The following PLEKHG1 variants were observed in gnomAD, a reference collection of about 807,000 sequenced individuals.
PLEKHG1 encodes pleckstrin homology and RhoGEF domain containing G1.
Under a neutral mutation model 100.8 loss-of-function variants are expected in PLEKHG1, and 44 were observed. The ratio of observed to expected loss-of-function variants is 0.44; its 90% CI spans 0.34 to 0.56. The LOEUF (loss-of-function observed/expected upper bound fraction) is 0.56, where lower values mean the gene tolerates loss of function less well. PLEKHG1 is among the 20% of genes least tolerant of loss of function. PLEKHG1 has a pLI of 0.01. For synonymous variants in PLEKHG1, 640 were observed against 662.5 expected (o/e 0.97, Z 0.52); for missense variants, 1,545 against 1,720.9 (o/e 0.90, Z 1.81).
At chr6:150,720,581 C>G (rs1305157556), upstream of PLEKHG1, among the ~76,000 whole-genome samples, 1 of 152,164 alleles carries the variant, frequency 6.6e-6, no homozygotes, top group Non-Finnish European at 1.5e-5. Flanking sequence ...AACTAATTAT[C>G]CAAACTGCCT....
upstream of PLEKHG1, among the ~76,000 whole-genome samples, chr6:150,719,306 A>AT (rs1267469677): frequency 2.0e-5 from 3 of 150,678 alleles, no homozygotes; most frequent in Admixed American, 6.6e-5. Context: ...AAAAAAAAAA[A>AT]TCCAAGTACA....
intron 10 of PLEKHG1, among the ~76,000 whole-genome samples, chr6:150,814,937 C>G (rs986686667): frequency 6.6e-6 from 1 of 152,132 alleles, no homozygotes; most frequent in Non-Finnish European, 1.5e-5. Context: ...CCAGGCTGGT[C>G]TCGAACTCCC....
intron 3 of PLEKHG1, among the ~76,000 whole-genome samples, chr6:150,774,756 T>A (rs1418112623): frequency 6.6e-6 from 1 of 151,846 alleles, no homozygotes; most frequent in Non-Finnish European, 1.5e-5. Flanking sequence ...GCCAGGCTGG[T>A]CACGAACTCC....
At chr6:150,818,902 G>T (rs1776137806) in intron 11 of PLEKHG1, among the ~76,000 whole-genome samples, 2 of 152,158 alleles carry the variant, frequency 1.3e-5, no homozygotes, top group African/African-American at 4.8e-5. Context: ...AAGTGCAAAC[G>T]TTGATTCCCT....
chr6:150,702,564 G>GTGTGTGTA, intron 3 of PLEKHG1, among the ~76,000 whole-genome samples: 1 of 150,562 alleles, frequency 6.6e-6, no homozygotes, highest in East Asian at 1.9e-4. Flanking sequence ...TGGGGTGTGT[G>GTGTGTGTA]TGTGTGTGTG....
intron 3 of PLEKHG1, among the ~76,000 whole-genome samples, chr6:150,710,758 G>A (rs1781214847): frequency 6.6e-6 from 1 of 152,168 alleles, no homozygotes; most frequent in Non-Finnish European, 1.5e-5. Flanking sequence ...CTATGCCAGT[G>A]GGAAGTAAAG....
intron 3 of PLEKHG1, among the ~76,000 whole-genome samples, chr6:150,771,246 C>A (rs1418801624): frequency 6.6e-6 from 1 of 152,106 alleles, no homozygotes; most frequent in Admixed American, 6.5e-5. Context: ...GACCCTATCT[C>A]TACTAAAAAA....
intron 9 of PLEKHG1, 79 bp from the exon 11 acceptor site, chr6:150,809,569 T>C (rs1787364845): frequency 1.3e-6 from 2 of 1,489,256 alleles, no homozygotes; most frequent in East Asian, 2.3e-5. Context: ...TCTGGCCACA[T>C]GGTCATTTCC....
At chr6:150,790,141 C>T (rs547347426) in intron 4 of PLEKHG1, among the ~76,000 whole-genome samples, 9 of 152,184 alleles carry the variant, frequency 5.9e-5, no homozygotes, top group Non-Finnish European at 1.3e-4. Flanking sequence ...CTGCCTCCGC[C>T]CCCACGAGTA....
chr6:150,701,397 A>AAAG (rs1380471128), intron 3 of PLEKHG1, among the ~76,000 whole-genome samples: 1 of 131,944 alleles, frequency 7.6e-6, no homozygotes, highest in African/African-American at 2.6e-5. Flanking sequence ...CTGGATTTGT[A>AAAG]AAGAATAAGC....
chr6:150,670,714 C>G (rs1562424957), intron 3 of PLEKHG1, among the ~76,000 whole-genome samples: 1 of 152,118 alleles, frequency 6.6e-6, no homozygotes, highest in Non-Finnish European at 1.5e-5. Flanking sequence ...CCCACATAGT[C>G]CATTTGGCTG....
intron 3 of PLEKHG1, among the ~76,000 whole-genome samples, chr6:150,706,421 T>C (rs1781006826): frequency 6.7e-6 from 1 of 148,876 alleles, no homozygotes; most frequent in African/African-American, 2.4e-5. Context: ...TGAGACCAGC[T>C]GGGCAACATA....
At chr6:150,641,362 G>A (rs1300286701) in intron 2 of PLEKHG1, among the ~76,000 whole-genome samples, 1 of 152,186 alleles carries the variant, frequency 6.6e-6, no homozygotes, top group East Asian at 1.9e-4. Flanking sequence ...CAGACTCTAT[G>A]AAAGATTTTT....
intron 10 of PLEKHG1, among the ~76,000 whole-genome samples, chr6:150,815,231 T>C (rs1347729978): frequency 6.6e-6 from 1 of 152,202 alleles, no homozygotes; most frequent in Non-Finnish European, 1.5e-5. Flanking sequence ...ACCAGTCTAA[T>C]AATGTCAACA....
chr6:150,825,594 T>C (rs1776554925), intron 14 of PLEKHG1, among the ~76,000 whole-genome samples: 1 of 152,064 alleles, frequency 6.6e-6, no homozygotes, highest in Admixed American at 6.6e-5. Context: ...ACAAGTAGTT[T>C]ATAACAGGAA....
At chr6:150,719,510 G>A (rs186379643), upstream of PLEKHG1, among the ~76,000 whole-genome samples, 2 of 152,276 alleles carry the variant, frequency 1.3e-5, no homozygotes, top group East Asian at 1.9e-4. Flanking sequence ...ATGCAGGGTA[G>A]GAGTGAGACA....
At chr6:150,788,493 C>G (rs542450582) in intron 4 of PLEKHG1, among the ~76,000 whole-genome samples, 1 of 152,300 alleles carries the variant, frequency 6.6e-6, no homozygotes, top group African/African-American at 2.4e-5. Flanking sequence ...TACAGAAGTC[C>G]TTATCGACAG....
chr6:150,832,681 C>CT (rs66957918), intron 15 of PLEKHG1, among the ~76,000 whole-genome samples: 66,435 of 125,372 alleles, frequency 0.53, 19,168 homozygotes, highest in African/African-American at 0.69. Context: ...TTTTTGCATA[C>CT]TTTTTTTTTT....
At chr6:150,653,422 T>A (rs928285603) in intron 3 of PLEKHG1, among the ~76,000 whole-genome samples, 4 of 151,918 alleles carry the variant, frequency 2.6e-5, no homozygotes, top group Non-Finnish European at 5.9e-5. Context: ...TATGTGAGAT[T>A]CAGTGATTTG....
Sources: allele counts gnomAD v4.1 joint callset (sites outside exome capture counted in the v4.1 genomes callset), GRCh38; gene constraint gnomAD v4.1.1; transcripts MANE v1.5; gene names NCBI Gene and HGNC (gene_info 2026-07-23, HGNC 2026-07-21).